The following ZRANB3 variants were observed in gnomAD, a reference collection of about 807,000 sequenced individuals.
ZRANB3 encodes the protein zinc finger RANBP2-type containing 3, also known as DNA annealing helicase and endonuclease ZRANB3.
Under a neutral mutation model 133.8 loss-of-function variants are expected in ZRANB3, and 125 were observed. The observed-to-expected ratio is 0.93, with a 90% CI of 0.81 to 1.08. The LOEUF is 1.08. Among genes scored for constraint, ZRANB3 ranks in the 50% least tolerant of loss-of-function variants. The probability of loss-of-function intolerance (pLI) is 0.00; values close to 1 mark genes in which losing one functional copy is unlikely to be tolerated. For synonymous variants in ZRANB3, 387 were observed against 432.7 expected (o/e 0.89, Z 1.31); for missense variants, 1,229 against 1,275.5 (o/e 0.96, Z 0.56).
chr2:135,278,469 C>G (rs1225592684), intron 8 of ZRANB3, among the ~76,000 whole-genome samples: 2 of 151,876 alleles, frequency 1.3e-5, no homozygotes, highest in South Asian at 2.1e-4. Context: ...AGGAAGTAAA[C>G]AAAGAAAGAA....
At chr2:135,341,330 T>C (rs1264938264) in intron 6 of ZRANB3, among the ~76,000 whole-genome samples, 1 of 149,938 alleles carries the variant, frequency 6.7e-6, no homozygotes, top group Non-Finnish European at 1.5e-5. Flanking sequence ...CAGAAGAACA[T>C]AAATTGTGAA....
At chr2:135,346,511 CATCT>C (rs780139240) in intron 5 of ZRANB3, among the ~76,000 whole-genome samples, 198 of 152,134 alleles carry the variant, frequency 1.3e-3, no homozygotes, top group Non-Finnish European at 2.2e-3. Context: ...ATCTATTAAT[CATCT>C]ATCTATCCAT....
At chr2:135,224,591 T>A in intron 14 of ZRANB3, 74 bp from the exon 15 acceptor site, 1 of 1,070,778 alleles carries the variant, frequency 9.3e-7, no homozygotes, top group Non-Finnish European at 1.4e-6. Flanking sequence ...TAATCGTGTG[T>A]AGGTTAGAAC....
intron 8 of ZRANB3, among the ~76,000 whole-genome samples, chr2:135,284,948 C>A (rs1681281889): frequency 6.6e-6 from 1 of 151,688 alleles, no homozygotes; most frequent in African/African-American, 2.4e-5. Flanking sequence ...TGGGTTCAAG[C>A]AATTCTCCTG....
intron 12 of ZRANB3, among the ~76,000 whole-genome samples, chr2:135,233,251 TA>T (rs908775212): frequency 1.3e-5 from 2 of 151,934 alleles, no homozygotes; most frequent in African/African-American, 4.8e-5. Context: ...GAAAAAAGAA[TA>T]AAAAGAAATG....
intron 6 of ZRANB3, among the ~76,000 whole-genome samples, chr2:135,341,093 C>A (rs1573940640): frequency 6.7e-6 from 1 of 149,714 alleles, no homozygotes; most frequent in Non-Finnish European, 1.5e-5. Context: ...GTGGCGCTAT[C>A]TCGGCTCACT....
intron 2 of ZRANB3, among the ~76,000 whole-genome samples, chr2:135,503,191 C>A (rs1693023611): frequency 6.6e-6 from 1 of 152,052 alleles, no homozygotes; most frequent in Admixed American, 6.6e-5. Flanking sequence ...AGTCTGTAAA[C>A]AAATACGAAT....
At chr2:135,299,156 C>G (rs1390844390) in intron 8 of ZRANB3, among the ~76,000 whole-genome samples, 1 of 152,128 alleles carries the variant, frequency 6.6e-6, no homozygotes, top group Non-Finnish European at 1.5e-5. Flanking sequence ...TGAGCTCAGA[C>G]TCTCCTTGGG....
At chr2:135,268,116 G>A (rs576519051) in intron 11 of ZRANB3, among the ~76,000 whole-genome samples, 1 of 152,168 alleles carries the variant, frequency 6.6e-6, no homozygotes, top group South Asian at 2.1e-4. Context: ...TTGGTACTTT[G>A]TTATGGCTGC....
chr2:135,207,891 TA>T, intron 18 of ZRANB3, 55 bp from the exon 19 acceptor site: 3 of 1,497,600 alleles, frequency 2.0e-6, no homozygotes, highest in Non-Finnish European at 2.7e-6. Flanking sequence ...GGCTAAATAG[TA>T]ATTGCTTCAT....
At chr2:135,310,519 AC>A (rs1179753670) in intron 8 of ZRANB3, among the ~76,000 whole-genome samples, 3 of 152,190 alleles carry the variant, frequency 2.0e-5, no homozygotes, top group Non-Finnish European at 1.5e-5. Flanking sequence ...ATTATATGCT[AC>A]AAAAATAATA....
At chr2:135,279,052 GTAT>G (rs1680975667) in intron 8 of ZRANB3, among the ~76,000 whole-genome samples, 1 of 151,976 alleles carries the variant, frequency 6.6e-6, no homozygotes, top group Admixed American at 6.6e-5. Context: ...AGCAATATAA[GTAT>G]GGTGTTGAGG....
At chr2:135,395,711 G>T (rs936879058) in intron 2 of ZRANB3, among the ~76,000 whole-genome samples, 3 of 152,050 alleles carry the variant, frequency 2.0e-5, no homozygotes, top group African/African-American at 7.2e-5. Flanking sequence ...ACCTGCCTCG[G>T]CCTCCCAAAG....
chr2:135,402,205 G>C (rs1359951901), intron 2 of ZRANB3, among the ~76,000 whole-genome samples: 1 of 151,760 alleles, frequency 6.6e-6, no homozygotes, highest in African/African-American at 2.4e-5. Context: ...GACTGCTCTA[G>C]AGTTATTCAT....
In ZRANB3 at chr2:135,241,036, T is replaced by C. The variant is rs183676474; in HGVS notation, c.1540-10109A>G. ...AATTTCACAGTGATTTACCTCTATA[T>C]AGTCTATATTTATATGCCTTTAAAA... On this transcript the variant is annotated intron_variant, in intron 12 of 20. Transcript: ENST00000264159. Among the ~76,000 whole-genome samples, 48 of 152,340 alleles carry C rather than the reference T, an allele frequency of 3.2e-4. 1 individual carries two copies. Among genetic ancestry groups the C allele is most frequent in the African/African-American group, 1.1e-3 (44 of 41,586 alleles).
chr2:135,323,949 A>C (rs1250839561), intron 6 of ZRANB3, among the ~76,000 whole-genome samples: 2 of 152,034 alleles, frequency 1.3e-5, no homozygotes, highest in East Asian at 3.9e-4. Flanking sequence ...TTATATTTTT[A>C]GTACAGATGG....
intron 2 of ZRANB3, among the ~76,000 whole-genome samples, chr2:135,407,902 A>G (rs1251098653): frequency 6.9e-6 from 1 of 145,516 alleles, no homozygotes; most frequent in Non-Finnish European, 1.5e-5. Context: ...ACCATTCAGG[A>G]CATAGGCATG....
At chr2:135,466,039 A>C (rs1166090197) in intron 2 of ZRANB3, among the ~76,000 whole-genome samples, 1 of 152,208 alleles carries the variant, frequency 6.6e-6, no homozygotes, top group African/African-American at 2.4e-5. Flanking sequence ...ATATCAACTA[A>C]ATGCTAAGGA....
At chr2:135,230,389 A>T in intron 13 of ZRANB3, 124 bp downstream of exon 13, 5 of 831,016 alleles carry the variant, frequency 6.0e-6, no homozygotes, top group Non-Finnish European at 8.5e-6. Context: ...CTCTTATTCC[A>T]ATTTAAAAGC....
Sources: gnomAD v4.1 joint callset for allele counts (sites outside exome capture counted in the v4.1 genomes callset) on GRCh38, gnomAD v4.1.1 for gene constraint, MANE v1.5 for transcripts, NCBI Gene and HGNC (gene_info 2026-07-23, HGNC 2026-07-21) for gene names.